CLIC5: variants seen among roughly 807,000 people sequenced by gnomAD.
CLIC5 encodes chloride intracellular channel protein 5.
In CLIC5, 20 loss-of-function variants were observed where a neutral mutation model predicts 24.7. The observed-to-expected ratio is 0.81, with a 90% confidence interval of 0.57 to 1.18. CLIC5 has a LOEUF of 1.18. Among genes scored for constraint, CLIC5 ranks in the 50% most tolerant of loss-of-function variants. The pLI is 0.00. For missense variants in CLIC5, 341 were observed against 326.1 expected, an observed-to-expected ratio of 1.05 and a Z score of -0.35; for synonymous variants, 159 against 135.6, an observed-to-expected ratio of 1.17 and a Z score of -1.20.
chr6:46,016,923 CACTT>C (rs1767031064), upstream of CLIC5, among the ~76,000 whole-genome samples: 1 of 152,336 alleles, frequency 6.6e-6, no homozygotes, highest in Middle Eastern at 3.4e-3. Context: ...TTCACCGACA[CACTT>C]ACTTATTCAT....
intron 1 of CLIC5, among the ~76,000 whole-genome samples, chr6:46,025,871 C>G (rs1328189498): frequency 1.3e-5 from 2 of 152,100 alleles, no homozygotes; most frequent in Non-Finnish European, 2.9e-5. Context: ...GGCACTTCCC[C>G]CTTTGTTCTC....
chr6:45,915,791 C>T (rs187640738), intron 4 of CLIC5, among the ~76,000 whole-genome samples: 2 of 152,328 alleles, frequency 1.3e-5, no homozygotes, highest in Non-Finnish European at 2.9e-5. Context: ...CCCAGAATCT[C>T]GTAGTCCTTT....
chr6:46,122,114 C>A, the CLIC5 span, among the ~76,000 whole-genome samples: 4 of 152,240 alleles, frequency 2.6e-5, no homozygotes, highest in Admixed American at 2.6e-4. Context: ...CACACCAAAT[C>A]AACAGAATAT....
chr6:46,112,518 A>G, the CLIC5 span, among the ~76,000 whole-genome samples: 2 of 151,804 alleles, frequency 1.3e-5, no homozygotes, highest in African/African-American at 2.4e-5. Flanking sequence ...GGGGGTAATC[A>G]CTCTGTGGTT....
At chr6:45,954,994 A>G in intron 2 of CLIC5, 141 bp downstream of exon 2, 1 of 579,858 alleles carries the variant, frequency 1.7e-6, no homozygotes, top group Non-Finnish European at 3.0e-6. Context: ...TGTAGCTAAG[A>G]CTGGATCCTG....
intron 1 of CLIC5, among the ~76,000 whole-genome samples, chr6:46,025,085 A>G (rs944440726): frequency 3.9e-5 from 6 of 152,186 alleles, no homozygotes; most frequent in African/African-American, 9.7e-5. Context: ...TAAAAAGAGC[A>G]CTAGACTGAG....
rs556999880 is a variant in CLIC5 at position 46,015,766 on chromosome 6, C to T, written c.-224G>A. ...AGCGAAGCCGGGAGGAGGCGGGGGG[C>T]CACGGGGAAAGCCGGGTTAAGGGAA... On this transcript the variant is annotated 5_prime_UTR_variant, in exon 1 of 6. Transcript: ENST00000339561. The T allele has an allele frequency of 1.2e-4, 146 of 1,232,614 alleles. No homozygotes were observed. The highest frequency in any genetic ancestry group is 9.4e-4 in the Middle Eastern group (3 of 3,194). 76.4% of individuals were successfully genotyped at this position (1,232,614 alleles called of 1,614,324 possible). A position where few individuals can be genotyped will look rare whatever the true frequency, so the allele number is the denominator to read the frequency against.
intron 1 of CLIC5, among the ~76,000 whole-genome samples, chr6:45,964,122 C>G (rs1309572538): frequency 6.6e-6 from 1 of 152,222 alleles, no homozygotes; most frequent in Non-Finnish European, 1.5e-5. Flanking sequence ...AGTCCACACT[C>G]TCTGCCTCCA....
intron 1 of CLIC5, among the ~76,000 whole-genome samples, chr6:46,060,308 T>C (rs989268254): frequency 2.0e-5 from 3 of 152,202 alleles, no homozygotes; most frequent in African/African-American, 7.2e-5. Flanking sequence ...TTAAAAATTT[T>C]TTTAATTAAA....
chr6:45,912,238 G>A (rs1461134902), intron 5 of CLIC5: 1 of 988,964 alleles, frequency 1.0e-6, no homozygotes, highest in Non-Finnish European at 1.2e-6. Flanking sequence ...GATCTGATAA[G>A]CTGGATCAGC....
intron 1 of CLIC5, among the ~76,000 whole-genome samples, chr6:46,025,731 T>C (rs780385831): frequency 6.6e-6 from 1 of 152,200 alleles, no homozygotes; most frequent in Admixed American, 6.5e-5. Flanking sequence ...CCAAATCTCA[T>C]GTCGAATTGT....
chr6:46,075,148 C>A (rs1185105039), intron 1 of CLIC5, among the ~76,000 whole-genome samples: 3 of 152,132 alleles, frequency 2.0e-5, no homozygotes, highest in African/African-American at 4.8e-5. Flanking sequence ...TTTATAATAA[C>A]CCTATGAGGA....
At chr6:46,017,737 G>A (rs79866272), upstream of CLIC5, among the ~76,000 whole-genome samples, 5,999 of 152,298 alleles carry the variant, frequency 0.039, 170 homozygotes, top group Non-Finnish European at 0.065. Flanking sequence ...TATTTACCAT[G>A]GTTGGGGTGA....
intron 1 of CLIC5, among the ~76,000 whole-genome samples, chr6:45,978,504 TG>T (rs1468802736): frequency 6.6e-6 from 1 of 152,246 alleles, no homozygotes; most frequent in Non-Finnish European, 1.5e-5. Context: ...GGTTCTCCAA[TG>T]TTAGCATGCA....
At chr6:45,968,377 T>C (rs1765086074) in intron 1 of CLIC5, among the ~76,000 whole-genome samples, 1 of 152,092 alleles carries the variant, frequency 6.6e-6, no homozygotes, top group African/African-American at 2.4e-5. Flanking sequence ...GCTTCAATAG[T>C]GGGGTTGCAG....
intron 6 of CLIC5, among the ~76,000 whole-genome samples, chr6:45,882,239 T>G (rs907234810): frequency 5.3e-5 from 8 of 152,164 alleles, no homozygotes; most frequent in Non-Finnish European, 1.0e-4. Context: ...AGGATACACA[T>G]CTCCCCACCC....
chr6:46,048,055 T>G (rs1017305141), intron 1 of CLIC5, among the ~76,000 whole-genome samples: 5 of 150,560 alleles, frequency 3.3e-5, no homozygotes, highest in Admixed American at 6.7e-5. Context: ...TAGGCTGGAG[T>G]GCAGTGGCGC....
intron 1 of CLIC5, among the ~76,000 whole-genome samples, chr6:45,983,191 T>C (rs1765622440): frequency 6.6e-6 from 1 of 152,184 alleles, no homozygotes; most frequent in Non-Finnish European, 1.5e-5. Flanking sequence ...CTGCCTGACC[T>C]CACCTGATCT....
intron 1 of CLIC5, among the ~76,000 whole-genome samples, chr6:45,997,575 C>A (rs944133793): frequency 6.6e-6 from 1 of 150,840 alleles, no homozygotes; most frequent in Non-Finnish European, 1.5e-5. Flanking sequence ...GCCTAAGAAG[C>A]GTGTTCAAAT....
Sources: allele counts gnomAD v4.1 joint callset (sites outside exome capture counted in the v4.1 genomes callset), GRCh38; gene constraint gnomAD v4.1.1; transcripts MANE v1.5; gene names NCBI Gene and HGNC (gene_info 2026-07-23, HGNC 2026-07-21).